RUNX1: variants seen among roughly 807,000 people sequenced by gnomAD.
RUNX1 encodes the protein RUNX family transcription factor 1, also known as runt-related transcription factor 1.
RUNX1 carries 19 observed loss-of-function variants against 42.8 expected under a neutral mutation model. The ratio of observed to expected loss-of-function variants is 0.44; its 90% confidence interval spans 0.31 to 0.65. RUNX1 has a LOEUF of 0.65. RUNX1 is among the 30% of genes least tolerant of loss of function. The pLI, the probability that RUNX1 is intolerant of heterozygous loss-of-function variation, is 0.07. For missense variants in RUNX1, 528 were observed against 672.0 expected, an observed-to-expected ratio of 0.79 and a Z score of 2.37; for synonymous variants, 271 against 289.4, an observed-to-expected ratio of 0.94 and a Z score of 0.64.
intron 2 of RUNX1, among the ~76,000 whole-genome samples, chr21:35,001,277 T>A (rs1344277354): frequency 7.2e-6 from 1 of 138,174 alleles, no homozygotes. Flanking sequence ...TCAATAAGTT[T>A]TTGGCCTATT....
chr21:34,902,450 C>A (rs899109707), intron 2 of RUNX1, among the ~76,000 whole-genome samples: 1 of 152,134 alleles, frequency 6.6e-6, no homozygotes, highest in South Asian at 2.1e-4. Context: ...ACAACTAATT[C>A]TTGGATACTT....
At chr21:34,961,438 T>G (rs887979643) in intron 2 of RUNX1, among the ~76,000 whole-genome samples, 4 of 152,162 alleles carry the variant, frequency 2.6e-5, no homozygotes, top group Non-Finnish European at 5.9e-5. Context: ...CTAAATATTT[T>G]GACTCACTAC....
At chr21:34,887,886 C>G in intron 3 of RUNX1, 1 of 1,065,048 alleles carries the variant, frequency 9.4e-7, no homozygotes, top group Non-Finnish European at 1.1e-6. Context: ...TCAATGAATT[C>G]TGTCAAAACG....
At chr21:34,944,485 G>C (rs1450246606) in intron 2 of RUNX1, among the ~76,000 whole-genome samples, 1 of 152,242 alleles carries the variant, frequency 6.6e-6, no homozygotes, top group African/African-American at 2.4e-5. Context: ...TAATATTTGT[G>C]TGGGTACGAA....
chr21:34,936,175 T>C (rs1301455336), intron 2 of RUNX1, among the ~76,000 whole-genome samples: 1 of 151,578 alleles, frequency 6.6e-6, no homozygotes, highest in Non-Finnish European at 1.5e-5. Flanking sequence ...TTTGTCTGCA[T>C]ACATCAAATA....
chr21:34,823,430 GTTTTTTTT>G (rs56957776), intron 7 of RUNX1, among the ~76,000 whole-genome samples: 20 of 99,708 alleles, frequency 2.0e-4, no homozygotes, highest in African/African-American at 9.7e-4. Flanking sequence ...TTCCTGGTGG[GTTTTTTTT>G]TTTTTTTTTT....
intron 2 of RUNX1, among the ~76,000 whole-genome samples, chr21:34,982,946 C>G (rs2058858520): frequency 6.6e-6 from 1 of 151,280 alleles, no homozygotes; most frequent in African/African-American, 2.4e-5. Flanking sequence ...GGTGGTAGAA[C>G]CAAGATTTGA....
At chr21:34,898,341 C>G (rs1197921941) in intron 2 of RUNX1, among the ~76,000 whole-genome samples, 1 of 152,138 alleles carries the variant, frequency 6.6e-6, no homozygotes, top group Non-Finnish European at 1.5e-5. Flanking sequence ...TGGCAATTTG[C>G]TCGTTTTACA....
chr21:34,836,550 T>C (rs750609339), intron 6 of RUNX1, among the ~76,000 whole-genome samples: 1 of 152,166 alleles, frequency 6.6e-6, no homozygotes, highest in Admixed American at 6.5e-5. Flanking sequence ...GGAACAACCA[T>C]TCAAAACATA....
intron 7 of RUNX1, among the ~76,000 whole-genome samples, chr21:34,813,110 G>A (rs2056778974): frequency 6.6e-6 from 1 of 152,094 alleles, no homozygotes; most frequent in Non-Finnish European, 1.5e-5. Flanking sequence ...TTCTCCTCCA[G>A]GGGATTTCTG....
chr21:35,023,277 T>C (rs1409998907), intron 2 of RUNX1, among the ~76,000 whole-genome samples: 4 of 152,196 alleles, frequency 2.6e-5, no homozygotes, highest in Non-Finnish European at 4.4e-5. Context: ...TAATTTAATT[T>C]TGCATGATGT....
At chr21:34,889,700 G>A in intron 3 of RUNX1, 1 of 1,173,830 alleles carries the variant, frequency 8.5e-7, no homozygotes, top group African/African-American at 1.6e-5. Flanking sequence ...GCGGGCGGCC[G>A]CTTCCCCCTG....
intron 2 of RUNX1, among the ~76,000 whole-genome samples, chr21:34,910,280 TCTC>T (rs1195646788): frequency 1.3e-5 from 2 of 152,090 alleles, no homozygotes; most frequent in Non-Finnish European, 2.9e-5. Context: ...TTCTCCACCT[TCTC>T]CTCACTGGCT....
intron 2 of RUNX1, among the ~76,000 whole-genome samples, chr21:35,039,778 C>A (rs910463358): frequency 3.3e-5 from 5 of 152,178 alleles, no homozygotes; most frequent in Non-Finnish European, 7.3e-5. Flanking sequence ...CTTTATATGA[C>A]CCTGCACCTT....
rs570055720 is a variant in RUNX1 at position 34,999,956 on chromosome 21, G to C, written c.58+48886C>G. Reference sequence around the variant, plus strand: ...CTAGTGGTTAAGCTTCATCTTTATCGGGCTGAACGAGATGAGCTTTCACCC... The same window carrying C: ...CTAGTGGTTAAGCTTCATCTTTATCCGGCTGAACGAGATGAGCTTTCACCC... On this transcript the variant is annotated intron_variant, in intron 2 of 8. Coordinates refer to ENST00000675419, the MANE Select transcript of RUNX1 (RefSeq NM_001754.5). 4.6e-5 allele frequency among the ~76,000 whole-genome samples: 7 copies of C among 152,230 alleles called. No homozygotes were observed. The South Asian group carries it at 8.3e-4, about 18-fold the overall frequency.
intron 3 of RUNX1, among the ~76,000 whole-genome samples, chr21:34,889,356 G>A (rs907188749): frequency 1.6e-4 from 24 of 152,130 alleles, no homozygotes; most frequent in Non-Finnish European, 3.2e-4. Context: ...TGCTCTCAGC[G>A]TCTTCCCTTG....
intron 5 of RUNX1, among the ~76,000 whole-genome samples, chr21:34,864,511 G>A (rs1013882510): frequency 2.0e-5 from 3 of 152,194 alleles, no homozygotes; most frequent in African/African-American, 7.2e-5. Flanking sequence ...AGCACTCACT[G>A]GCCTTGGTCT....
intron 5 of RUNX1, 26 bp from the exon 6 acceptor site, chr21:34,859,604 A>C: frequency 1.3e-6 from 2 of 1,563,094 alleles, no homozygotes. Flanking sequence ...AGAGAACAAA[A>C]CAGAATGAGG....
intron 2 of RUNX1, among the ~76,000 whole-genome samples, chr21:35,016,951 A>G (rs939028149): frequency 2.0e-5 from 3 of 151,816 alleles, no homozygotes; most frequent in African/African-American, 7.3e-5. Flanking sequence ...GCAGGCAGAG[A>G]AGCTCATAAA....
Sources: allele counts gnomAD v4.1 joint callset (sites outside exome capture counted in the v4.1 genomes callset), GRCh38; gene constraint gnomAD v4.1.1; transcripts MANE v1.5; gene names NCBI Gene and HGNC (gene_info 2026-07-23, HGNC 2026-07-21).